Variants in AANAT observed in about 807,000 individuals in gnomAD.
The protein encoded by AANAT is serotonin N-acetyltransferase.
In AANAT, 11 loss-of-function variants were observed where a neutral mutation model predicts 15.6. That is an observed-to-expected ratio of 0.71 (90% confidence interval 0.44 to 1.17). The LOEUF (loss-of-function observed/expected upper bound fraction) is 1.17, where lower values mean the gene tolerates loss of function less well. Ranked by LOEUF, AANAT falls within the 50% of genes most tolerant of loss-of-function variation. The pLI is 0.00. For synonymous variants in AANAT, 139 were observed against 131.5 expected (o/e 1.06, Z -0.39); for missense variants, 286 against 296.3 (o/e 0.97, Z 0.26).
Position 76,469,747 on chromosome 17 carries a change from G to GC in AANAT, c.402dup (p.Arg135GlnfsTer35). 1 of 1,568,078 alleles carries GC rather than the reference G, an allele frequency of 6.4e-7. No individual in the cohort carries two copies. On this transcript the variant is annotated frameshift_variant, in exon 4 of 4. Transcript: ENST00000392492. LOFTEE classifies it high-confidence loss of function. The surrounding 1 kb of genome is among the most constrained non-coding windows in gnomAD (Gnocchi z 5.2). ...GTGCACCGCGCCTTCCGGCAGCAGG[G>GC]CAGGGGCCCCATCCTGCTGTGGCGC...
At chr17:76,455,128 A>G (rs566145057) in intron 1 of AANAT, among the ~76,000 whole-genome samples, 2 of 151,628 alleles carry the variant, frequency 1.3e-5, no homozygotes, top group Admixed American at 6.6e-5. Context: ...TTCCGTCTCA[A>G]AAAAAAGTAA....
rs1598641281 is a variant in AANAT at position 76,469,281 on chromosome 17, T to C, written c.272T>C (p.Val91Ala). 8 of 1,614,160 alleles carry C rather than the reference T, an allele frequency of 5.0e-6. No homozygotes were observed. The highest frequency in any genetic ancestry group is 4.0e-5 in the African/African-American group (3 of 75,058). The change falls in exon 3 of 4, where the codon GTG becomes GCG. Residue 91 changes from valine (V) to alanine (A), a missense_variant. Val to Ala is a moderately conservative substitution (Grantham distance 64). Coordinates refer to ENST00000392492, the MANE Select transcript of AANAT (RefSeq NM_001088.3). This position sits in a 1 kb window ranked among gnomAD's most constrained non-coding sequence, Gnocchi z 5.2. The stretch of plus-strand genomic sequence containing the variant: ...GGCTGGTTCGAGGAGGGCTGCCTTG[T>C]GGCCTTCATCATCGGCTCGCTCTGG... The part of the protein sequence containing the change: ...SLGWFEEGCL[V>A]AFIIGSLWDK...
intron 2 of AANAT, among the ~76,000 whole-genome samples, chr17:76,462,151 C>T (rs544399250): frequency 2.6e-4 from 39 of 152,184 alleles, no homozygotes; most frequent in Middle Eastern, 3.4e-3. Context: ...AGTGCTGGGT[C>T]GGCTAAGGGA....
At chr17:76,467,196 T>G (rs2073447451), upstream of AANAT, among the ~76,000 whole-genome samples, 1 of 152,082 alleles carries the variant, frequency 6.6e-6, no homozygotes, top group Admixed American at 6.6e-5. Context: ...TCCTGAATAT[T>G]TAAATATTTA....
intron 2 of AANAT, among the ~76,000 whole-genome samples, chr17:76,460,731 C>T (rs1408126692): frequency 6.6e-6 from 1 of 152,142 alleles, no homozygotes; most frequent in Non-Finnish European, 1.5e-5. Flanking sequence ...CAGGAGGTGG[C>T]AATCCCTCCC....
intron 1 of AANAT, among the ~76,000 whole-genome samples, chr17:76,457,659 C>G (rs2073353321): frequency 6.6e-6 from 1 of 152,186 alleles, no homozygotes; most frequent in Non-Finnish European, 1.5e-5. Context: ...AGACTAAACC[C>G]TTAAGCATGT....
In AANAT at chr17:76,468,881, T is replaced by C. The variant is rs546891168; in HGVS notation, c.135T>C (p.Ala45=). The change falls in exon 2 of 4, where the codon GCT becomes GCC. Residue 45 remains alanine, a synonymous_variant. Transcript: ENST00000392492. The part of the protein sequence containing the change: ...SEFRCLTPED[A]VSAFEIEREA... ...TTCGCTGCCTCACCCCGGAGGACGC[T>C]GTCAGCGCCTTTGAGATCGAGCGTG... 2.6e-4 allele frequency: 414 copies of C among 1,613,580 alleles called. 4 individuals carry two copies. The South Asian group carries it at 3.0e-3, about 12-fold the overall frequency.
chr17:76,464,423 C>G (rs1436681058), upstream of AANAT, among the ~76,000 whole-genome samples: 3 of 151,878 alleles, frequency 2.0e-5, no homozygotes, highest in Non-Finnish European at 4.4e-5. Flanking sequence ...GACCGAAGAG[C>G]CTTTTGGGAG....
intron 1 of AANAT, among the ~76,000 whole-genome samples, chr17:76,458,369 G>A (rs1038908089): frequency 1.3e-5 from 2 of 152,154 alleles, no homozygotes; most frequent in African/African-American, 4.8e-5. Context: ...CACTCAGGCT[G>A]GCTAGCAGGG....
chr17:76,466,097 A>C, upstream of AANAT: 1 of 1,308,176 alleles, frequency 7.6e-7, no homozygotes, highest in Non-Finnish European at 1.1e-6. Context: ...GTCAGCAAAG[A>C]GAGAGGCCGA....
In AANAT at chr17:76,469,937, C is replaced by A. The variant is rs992161346; in HGVS notation, c.591C>A (p.Gly197=). Reference sequence around the variant, plus strand: ...TGGAGCTCCACTGCTCCCTGCGGGGCCACCCCTTCCTGCGCAGGAACAGCG... The same window carrying A: ...TGGAGCTCCACTGCTCCCTGCGGGGACACCCCTTCCTGCGCAGGAACAGCG... ...TFMELHCSLR[G]HPFLRRNSGC is the part of the protein sequence containing the mutation. Residue 197 remains glycine, a synonymous_variant, in exon 4 of 4, where the codon GGC becomes GGA. Coordinates refer to ENST00000392492, the MANE Select transcript of AANAT (RefSeq NM_001088.3). The surrounding 1 kb of genome is among the most constrained non-coding windows in gnomAD (Gnocchi z 5.2). The A allele has an allele frequency of 3.3e-6, 5 of 1,529,294 alleles. No individual in the cohort carries two copies. Among genetic ancestry groups the A allele is most frequent in the African/African-American group, 2.8e-5 (2 of 72,632 alleles). 94.7% of individuals were successfully genotyped at this position (1,529,294 alleles called of 1,614,324 possible).
rs1039087897 is a variant in AANAT, at chr17:76,469,030, G to A, written c.163+121G>A. ...TCCCAGAGTATCAGACCATGTGTGC[G>A]CTCAAGAAAGTGGGGGAAACAGCAG... On this transcript the variant is annotated intron_variant, in intron 2 of 3. Coordinates refer to ENST00000392492, the MANE Select transcript of AANAT (RefSeq NM_001088.3). This position sits in a 1 kb window ranked among gnomAD's most constrained non-coding sequence, Gnocchi z 5.2. The A allele has an allele frequency of 1.7e-5, 25 of 1,480,326 alleles. No individual in the cohort carries two copies. The highest frequency in any genetic ancestry group is 2.0e-5 in the Non-Finnish European group (22 of 1,085,264). 91.7% of individuals were successfully genotyped at this position (1,480,326 alleles called of 1,614,324 possible).
In AANAT at chr17:76,467,716, T is replaced by C. The variant is rs1446181655; in HGVS notation, c.-87T>C. 2.0e-6 allele frequency: 2 copies of C among 985,312 alleles called. No homozygotes were observed. The highest frequency in any genetic ancestry group is 1.2e-4 in the Admixed American group (2 of 16,268). The allele number at this position is 985,312 out of a possible 1,614,324, so 61.0% of individuals were successfully genotyped here. A position where few individuals can be genotyped will look rare whatever the true frequency, so the allele number is the denominator to read the frequency against. On this transcript the variant is annotated 5_prime_UTR_variant, in exon 1 of 4. Coordinates refer to ENST00000392492, the MANE Select transcript of AANAT (RefSeq NM_001088.3). The stretch of plus-strand genomic sequence containing the variant: ...TGTGGAGGGAACACTGGGTATCCTC[T>C]CCACAGTCCAGGTAGGTGGGACCCC...
At chr17:76,459,061 G>A (rs1217935763) in intron 1 of AANAT, among the ~76,000 whole-genome samples, 1 of 152,222 alleles carries the variant, frequency 6.6e-6, no homozygotes, top group Non-Finnish European at 1.5e-5. Flanking sequence ...CTTGCCCAAG[G>A]TCACTCTGCA....
chr17:76,465,619 G>A (rs1201668567), upstream of AANAT, among the ~76,000 whole-genome samples: 4 of 151,956 alleles, frequency 2.6e-5, no homozygotes, highest in South Asian at 2.1e-4. Flanking sequence ...TTACAGGTGT[G>A]AGCCACTATG....
intron 1 of AANAT, among the ~76,000 whole-genome samples, chr17:76,455,948 G>C (rs949870926): frequency 1.3e-5 from 2 of 152,144 alleles, no homozygotes; most frequent in Non-Finnish European, 2.9e-5. Flanking sequence ...GGGAGCAGGA[G>C]GTTACAGTGA....
upstream of AANAT, among the ~76,000 whole-genome samples, chr17:76,466,994 G>A (rs1227797997): frequency 1.3e-5 from 2 of 152,096 alleles, no homozygotes; most frequent in Non-Finnish European, 1.5e-5. Flanking sequence ...AGGTGCTGGC[G>A]AGAGAAGAGC....
chr17:76,460,062 C>A (rs1319686347), intron 2 of AANAT, among the ~76,000 whole-genome samples: 1 of 151,874 alleles, frequency 6.6e-6, no homozygotes, highest in East Asian at 1.9e-4. Flanking sequence ...ATCCTTCCAA[C>A]CCCCCTTCCC....
chr17:76,465,866 G>C, upstream of AANAT: 1 of 323,286 alleles, frequency 3.1e-6, no homozygotes, highest in South Asian at 2.8e-5. Context: ...ATTTTTATTT[G>C]TATTTTTTTG....
Sources: gnomAD v4.1 joint callset for allele counts (sites outside exome capture counted in the v4.1 genomes callset) on GRCh38, gnomAD v4.1.1 for gene constraint, Gnocchi (gnomAD v3.1) non-coding constraint, MANE v1.5 for transcripts, NCBI Gene and HGNC (gene_info 2026-07-23, HGNC 2026-07-21) for gene names.